The following SEC13 variants were observed in gnomAD, a reference collection of about 807,000 sequenced individuals.
SEC13 encodes protein SEC13 homolog.
A neutral mutation model predicts 49.2 loss-of-function variants in SEC13; 25 were observed. The ratio of observed to expected loss-of-function variants is 0.51; its 90% CI spans 0.37 to 0.71. SEC13 has a LOEUF of 0.71. Among genes scored for constraint, SEC13 ranks in the 30% least tolerant of loss-of-function variants. The probability of loss-of-function intolerance (pLI) is 0.00; values close to 1 mark genes in which losing one functional copy is unlikely to be tolerated. For synonymous variants in SEC13, 148 were observed against 163.9 expected, an observed-to-expected ratio of 0.90 and a Z score of 0.74; for missense variants, 383 against 417.6, an observed-to-expected ratio of 0.92 and a Z score of 0.72.
intron 5 of SEC13, among the ~76,000 whole-genome samples, chr3:10,309,473 G>A (rs1216375184): frequency 5.9e-5 from 9 of 152,032 alleles, no homozygotes; most frequent in Admixed American, 5.2e-4. Context: ...TTTTCAGGCA[G>A]GATCTGCTGT....
At position 10,312,717 on chromosome 3, in the gene SEC13, C is replaced by A. The variant is rs777552924; in HGVS notation, c.178G>T (p.Val60Leu). The part of the protein sequence containing the change: ...IADLRGHEGP[V>L]WQVAWAHPMY... Reference sequence around the variant, plus strand: ...GGGTGAGCCCAGGCCACTTGCCACACAGGACCCTCATGACTACAAAGGGAG... The same window carrying A: ...GGGTGAGCCCAGGCCACTTGCCACAAAGGACCCTCATGACTACAAAGGGAG... The change falls in exon 4 of 9, where the codon GTG becomes TTG. Residue 60 changes from valine (V) to leucine (L), a missense_variant. Val to Leu is a conservative substitution (Grantham distance 32). Coordinates refer to ENST00000350697, the MANE Select transcript of SEC13 (RefSeq NM_183352.3). 8 of 1,614,222 alleles carry A rather than the reference C, an allele frequency of 5.0e-6. No homozygotes were observed. The South Asian group carries it at 6.6e-5, about 13-fold the overall frequency.
intron 2 of SEC13, among the ~76,000 whole-genome samples, chr3:10,316,342 G>A (rs961661688): frequency 4.6e-5 from 7 of 152,118 alleles, no homozygotes; most frequent in African/African-American, 1.7e-4. Context: ...GGGCAATTAT[G>A]CCCATTCAAA....
intron 5 of SEC13, among the ~76,000 whole-genome samples, chr3:10,308,560 C>A (rs762074700): frequency 2.0e-5 from 3 of 152,094 alleles, no homozygotes; most frequent in Admixed American, 1.3e-4. Context: ...ACTTCAAAGT[C>A]AATTTTCCTG....
rs1429416320 is a variant in SEC13 at position 10,308,937 on chromosome 3, T to G, written c.450+3028A>C. Among the ~76,000 whole-genome samples the G allele has an allele frequency of 6.2e-5, 7 of 113,266 alleles. No individual in the cohort carries two copies. The East Asian group carries it at 3.7e-3, about 61-fold the overall frequency. 74.3% of individuals were successfully genotyped at this position (113,266 alleles called of 152,430 possible). A position where few individuals can be genotyped will look rare whatever the true frequency, so the allele number is the denominator to read the frequency against. ...GAGCCATCACGCCTGGCCTTGATTT[T>G]TTTTTTTTTTTTTTTTTTTGAGACA... On this transcript the variant is annotated intron_variant, in intron 5 of 8. Coordinates refer to ENST00000350697, the MANE Select transcript of SEC13 (RefSeq NM_183352.3).
At chr3:10,309,419 A>T (rs1363003023) in intron 5 of SEC13, among the ~76,000 whole-genome samples, 2 of 151,366 alleles carry the variant, frequency 1.3e-5, no homozygotes, top group African/African-American at 4.9e-5. Context: ...TTACCTCTTC[A>T]TTTTTTTGCT....
At chr3:10,307,334 G>A (rs1013493959) in intron 5 of SEC13, among the ~76,000 whole-genome samples, 12 of 151,628 alleles carry the variant, frequency 7.9e-5, no homozygotes, top group Non-Finnish European at 1.8e-4. Flanking sequence ...TCAGCCTCCC[G>A]TGTAGCTGGG....
intron 5 of SEC13, chr3:10,311,669 T>C (rs1451187618): frequency 1.5e-6 from 2 of 1,296,170 alleles, no homozygotes; most frequent in Admixed American, 6.9e-5. Flanking sequence ...CAATGACTAC[T>C]GCAGGGCATG....
chr3:10,309,877 A>C (rs1197034677), intron 5 of SEC13, among the ~76,000 whole-genome samples: 3 of 152,188 alleles, frequency 2.0e-5, no homozygotes, highest in Non-Finnish European at 4.4e-5. Context: ...GTGTTAAAAA[A>C]CGTGGGAGAT....
At chr3:10,307,221 T>C (rs1399699821) in intron 5 of SEC13, among the ~76,000 whole-genome samples, 1 of 151,506 alleles carries the variant, frequency 6.6e-6, no homozygotes, top group African/African-American at 2.4e-5. Context: ...CCTTTTTTTT[T>C]TTTTTGAGAC....
In SEC13 at chr3:10,305,640, A is replaced by G. The variant is rs371166950; in HGVS notation, c.503T>C (p.Ile168Thr). Residue 168 changes from isoleucine to threonine, a missense_variant, in exon 6 of 9, where the codon ATA (isoleucine) becomes ACA (threonine). Ile to Thr is a moderately conservative substitution (Grantham distance 89). Transcript: ENST00000350697. The part of the protein sequence containing the change: ...WAPAVVPGSL[I>T]DHPSGQKPNY... ...GGGTTTCTGCCCCGATGGGTGGTCT[A>G]TGAGGCTTCCAGGTACAACAGCAGG... 5.0e-6 allele frequency: 8 copies of G among 1,614,096 alleles called. No individual in the cohort carries two copies. The highest frequency in any genetic ancestry group is 4.5e-5 in the East Asian group (2 of 44,902).
In SEC13 at chr3:10,305,666, G is replaced by A. The variant is rs1274047202; in HGVS notation, c.477C>T (p.Ala159=). Residue 159 remains alanine, a synonymous_variant, in exon 6 of 9, where the codon GCC becomes GCT. Transcript: ENST00000350697. The part of the protein sequence containing the change: ...HTIGCNAVSW[A]PAVVPGSLID... Reference sequence around the variant, plus strand: ...TGAGGCTTCCAGGTACAACAGCAGGGGCCCAGCTGACGGCATTGCAGCCAA... The same window carrying A: ...TGAGGCTTCCAGGTACAACAGCAGGAGCCCAGCTGACGGCATTGCAGCCAA... 4.3e-6 allele frequency: 7 copies of A among 1,614,078 alleles called. No individual in the cohort carries two copies. Among genetic ancestry groups the A allele is most frequent in the Non-Finnish European group, 4.2e-6 (5 of 1,180,046 alleles).
At chr3:10,318,022 C>T (rs750008246) in intron 2 of SEC13, 28 bp downstream of exon 2, 2 of 1,555,498 alleles carry the variant, frequency 1.3e-6, no homozygotes, top group Non-Finnish European at 1.8e-6. Flanking sequence ...GTCCACACCC[C>T]TCCAGGGAGG....
At chr3:10,311,578 T>G (rs1218135333) in intron 5 of SEC13, 1 of 933,860 alleles carries the variant, frequency 1.1e-6, no homozygotes, top group Non-Finnish European at 1.3e-6. Flanking sequence ...TGACCTTGTT[T>G]ATATTAATCT....
At chr3:10,307,698 C>A (rs1433222309) in intron 5 of SEC13, among the ~76,000 whole-genome samples, 1 of 152,194 alleles carries the variant, frequency 6.6e-6, no homozygotes, top group Non-Finnish European at 1.5e-5. Flanking sequence ...CTGGTTACCC[C>A]CTACAACACA....
At chr3:10,320,873 C>G (rs569473814) in intron 1 of SEC13, 177 bp downstream of exon 1, 547 of 1,395,656 alleles carry the variant, frequency 3.9e-4, no homozygotes, top group Admixed American at 6.6e-4. Flanking sequence ...GGCCTCACCT[C>G]TGGACTCCCC....
At chr3:10,319,257 C>T (rs1239317013) in intron 1 of SEC13, 1 of 1,610,496 alleles carries the variant, frequency 6.2e-7, no homozygotes, top group Admixed American at 1.7e-5. Flanking sequence ...AGGTACACAC[C>T]AAGTAAGCAC....
chr3:10,305,790 G>A, intron 5 of SEC13, 98 bp from the exon 6 acceptor site: 1 of 1,370,724 alleles, frequency 7.3e-7, no homozygotes. Context: ...TCTCAGGACT[G>A]GAGTGTGTGT....
At chr3:10,308,457 A>G (rs926660634) in intron 5 of SEC13, among the ~76,000 whole-genome samples, 3 of 152,186 alleles carry the variant, frequency 2.0e-5, no homozygotes, top group Admixed American at 2.0e-4. Context: ...ATATATCACA[A>G]CTTATCATTT....
intron 2 of SEC13, among the ~76,000 whole-genome samples, chr3:10,317,466 C>T (rs972948255): frequency 6.6e-6 from 1 of 152,106 alleles, no homozygotes; most frequent in Non-Finnish European, 1.5e-5. Context: ...AGACTTTAAC[C>T]TCTGGACCTT....
Sources: allele counts gnomAD v4.1 joint callset (sites outside exome capture counted in the v4.1 genomes callset), GRCh38; gene constraint gnomAD v4.1.1; transcripts MANE v1.5; gene names NCBI Gene and HGNC (gene_info 2026-07-23, HGNC 2026-07-21).